MAP4K5: variants seen among roughly 807,000 people sequenced by gnomAD.
MAP4K5 encodes the protein mitogen-activated protein kinase kinase kinase kinase 5.
In MAP4K5, 82 loss-of-function variants were observed where a neutral mutation model predicts 135.6. The observed-to-expected ratio is 0.60, with a 90% CI of 0.51 to 0.73. The LOEUF (loss-of-function observed/expected upper bound fraction) is 0.73. Among genes scored for constraint, MAP4K5 ranks in the 30% least tolerant of loss-of-function variants. The probability of loss-of-function intolerance (pLI) is 0.00; values close to 1 mark genes in which losing one functional copy is unlikely to be tolerated. For missense variants in MAP4K5, 907 were observed against 1,010.9 expected (o/e 0.90, Z 1.39); for synonymous variants, 347 against 335.0 (o/e 1.04, Z -0.39).
At chr14:50,451,948 C>T (rs915343782) in intron 14 of MAP4K5, among the ~76,000 whole-genome samples, 9 of 152,212 alleles carry the variant, frequency 5.9e-5, no homozygotes, top group South Asian at 2.1e-4. Context: ...CTGACTTTCT[C>T]GTGGTACAAA....
At chr14:50,478,742 T>TG (rs1426606928) in intron 6 of MAP4K5, among the ~76,000 whole-genome samples, 1 of 152,180 alleles carries the variant, frequency 6.6e-6, no homozygotes, top group Admixed American at 6.5e-5. Flanking sequence ...GGTCTGCTGG[T>TG]GACTTGTTCT....
chr14:50,448,674 AAG>A, intron 15 of MAP4K5, 98 bp downstream of exon 15: 1 of 642,178 alleles, frequency 1.6e-6, no homozygotes. Context: ...TAATGCTTAA[AAG>A]AGTATATTAC....
At chr14:50,492,047 T>A (rs1022257852) in intron 3 of MAP4K5, among the ~76,000 whole-genome samples, 24 of 152,326 alleles carry the variant, frequency 1.6e-4, no homozygotes, top group African/African-American at 5.8e-4. Context: ...AGTGAGTATT[T>A]TCCATTTGTT....
At chr14:50,534,295 G>A (rs2038464245), upstream of MAP4K5, among the ~76,000 whole-genome samples, 2 of 152,238 alleles carry the variant, frequency 1.3e-5, no homozygotes, top group South Asian at 4.1e-4. Flanking sequence ...TTAAAGAGAA[G>A]GAAAATACGA....
chr14:50,531,099 T>A (rs1009638174), intron 2 of MAP4K5, among the ~76,000 whole-genome samples: 1 of 152,240 alleles, frequency 6.6e-6, no homozygotes, highest in East Asian at 1.9e-4. Context: ...TAATGCTCCC[T>A]TTTTGGAACA....
intron 2 of MAP4K5, among the ~76,000 whole-genome samples, chr14:50,506,410 G>A (rs1037350750): frequency 2.6e-5 from 4 of 152,160 alleles, no homozygotes; most frequent in African/African-American, 9.7e-5. Context: ...CCAGGATGGA[G>A]TGCAGCAACA....
intron 2 of MAP4K5, among the ~76,000 whole-genome samples, chr14:50,506,275 G>A (rs2037807586): frequency 6.6e-6 from 1 of 151,954 alleles, no homozygotes; most frequent in South Asian, 2.1e-4. Flanking sequence ...GACATACAGA[G>A]GGTGAGAAAA....
chr14:50,559,605 G>C (rs76485567), intron 1 of MAP4K5: 1 of 152,150 alleles, frequency 6.6e-6, no homozygotes, highest in African/African-American at 2.4e-5. Flanking sequence ...GTTACAGATC[G>C]TAATGAATCT....
chr14:50,524,608 G>GC (rs1226652521), intron 2 of MAP4K5, among the ~76,000 whole-genome samples: 3 of 148,916 alleles, frequency 2.0e-5, no homozygotes, highest in East Asian at 2.0e-4. Context: ...GGACAGAAAA[G>GC]CCCCCCCACC....
At position 50,541,685 on chromosome 14, in the gene MAP4K5, A is replaced by G. The variant is rs956135910; in HGVS notation, c.-94+814T>C. Among the ~76,000 whole-genome samples the G allele has an allele frequency of 9.2e-5, 14 of 152,226 alleles. No individual in the cohort carries two copies. In the Middle Eastern group the frequency reaches 0.01, roughly 111 times the overall value. On this transcript the variant is annotated intron_variant, in intron 2 of 8. Transcript: ENST00000555216. ...ACTGTATGGAGTCTCTTGCAACCCC[A>G]GTAGGAGAATCCCAATGCAGACCCC...
chr14:50,474,419 C>A (rs1343677324), intron 9 of MAP4K5, among the ~76,000 whole-genome samples: 1 of 151,762 alleles, frequency 6.6e-6, no homozygotes, highest in Non-Finnish European at 1.5e-5. Context: ...TAACCTTTCA[C>A]ACAAACTGCA....
At chr14:50,434,279 T>C in intron 28 of MAP4K5, 115 bp downstream of exon 28, 3 of 719,788 alleles carry the variant, frequency 4.2e-6, no homozygotes, top group Non-Finnish European at 6.7e-6. Context: ...TGGGAAACTA[T>C]GTTTTGAATA....
chr14:50,490,159 G>GTGTGTGTGTGTGTGTGTA (rs71441284), intron 3 of MAP4K5, among the ~76,000 whole-genome samples: 5,747 of 137,866 alleles, frequency 0.042, 174 homozygotes, highest in Non-Finnish European at 0.057. Flanking sequence ...GTGTGTGTGT[G>GTGTGTGTGTGTGTGTGTA]TAAGGGAACT....
intron 2 of MAP4K5, among the ~76,000 whole-genome samples, chr14:50,518,865 C>G (rs1304806848): frequency 6.6e-6 from 1 of 152,128 alleles, no homozygotes; most frequent in East Asian, 1.9e-4. Flanking sequence ...GCTTGAGTTT[C>G]AGGGTAGGGA....
chr14:50,530,950 T>G (rs1222021644), intron 2 of MAP4K5, among the ~76,000 whole-genome samples: 1 of 152,192 alleles, frequency 6.6e-6, no homozygotes, highest in African/African-American at 2.4e-5. Flanking sequence ...ACTGGTTAAT[T>G]ACCCAAATGA....
rs1483041415 is a variant in MAP4K5 at position 50,419,087 on chromosome 14, C to T, written c.*932G>A. 1 of 152,050 alleles carries T rather than the reference C, an allele frequency of 6.6e-6. No individual in the cohort carries two copies. Among genetic ancestry groups the T allele is most frequent in the Non-Finnish European group, 1.5e-5 (1 of 67,980 alleles). 9.4% of individuals were successfully genotyped at this position (152,050 alleles called of 1,614,324 possible). On this transcript the variant is annotated 3_prime_UTR_variant, in exon 33 of 33. Coordinates refer to ENST00000682126, the MANE Select transcript of MAP4K5 (RefSeq NM_006575.6). ...TCTCTGGCATAGTATAAGTAAAATACATATCATGGGCAATTAAATACTTCC... is the reference window on the plus strand; with the variant it reads ...TCTCTGGCATAGTATAAGTAAAATATATATCATGGGCAATTAAATACTTCC...
Position 50,445,049 on chromosome 14 carries a change from G to C in MAP4K5, c.1331C>G (p.Ser444Cys). The C allele has an allele frequency of 6.2e-7, 1 of 1,613,170 alleles. No individual in the cohort carries two copies. Residue 444 changes from serine (S) to cysteine (C), a missense_variant, in exon 18 of 33, where the codon TCT becomes TGT. Coordinates refer to ENST00000682126, the MANE Select transcript of MAP4K5 (RefSeq NM_006575.6). Reference protein sequence around the residue: ...SPSCGPVAETSSIGNGDGISK... With the variant: ...SPSCGPVAETCSIGNGDGISK... ...AATAATGCTAGCCATACCAATAGAA[G>C]AAGTCTCTGCCACAGGCCCACAACT... is the stretch of plus-strand genomic sequence containing the variant.
chr14:50,539,972 A>G (rs1453974361), intron 2 of MAP4K5, among the ~76,000 whole-genome samples: 2 of 152,074 alleles, frequency 1.3e-5, no homozygotes, highest in Admixed American at 6.5e-5. Context: ...TATTCATACC[A>G]TGCCCAGGAG....
At chr14:50,553,442 T>TA (rs547797971) in intron 1 of MAP4K5, among the ~76,000 whole-genome samples, 7,411 of 150,682 alleles carry the variant, frequency 0.049, 185 homozygotes, top group African/African-American at 0.065. Context: ...ATTTAAAAAT[T>TA]AAAAAAAAAT....
Sources: allele counts gnomAD v4.1 joint callset (sites outside exome capture counted in the v4.1 genomes callset), GRCh38; gene constraint gnomAD v4.1.1; transcripts MANE v1.5; gene names NCBI Gene and HGNC (gene_info 2026-07-23, HGNC 2026-07-21).